BACH2: variants seen among roughly 807,000 people sequenced by gnomAD.
BACH2 encodes BACH transcriptional regulator 2, also known as transcription regulator protein BACH2.
A neutral mutation model predicts 61.8 loss-of-function variants in BACH2; 5 were observed. That is an observed-to-expected ratio of 0.08 (90% CI 0.04 to 0.17). The LOEUF (loss-of-function observed/expected upper bound fraction) is 0.17. Ranked by LOEUF, BACH2 falls within the 10% of genes least tolerant of loss-of-function variation. The pLI, the probability that BACH2 is intolerant of heterozygous loss-of-function variation, is 1.00. For missense variants in BACH2, 824 were observed against 1,091.1 expected (o/e 0.76, Z 3.45); for synonymous variants, 446 against 440.1 (o/e 1.01, Z -0.17).
intron 5 of BACH2, among the ~76,000 whole-genome samples, chr6:90,023,186 T>C (rs1278154697): frequency 6.6e-6 from 1 of 152,180 alleles, no homozygotes; most frequent in East Asian, 1.9e-4. Context: ...GGATATATAC[T>C]GTTATGGAGT....
intron 6 of BACH2, among the ~76,000 whole-genome samples, chr6:89,976,264 A>G (rs540751933): frequency 6.6e-6 from 1 of 152,326 alleles, no homozygotes; most frequent in South Asian, 2.1e-4. Flanking sequence ...GATGGGAGAG[A>G]AAGAAAGGAA....
chr6:90,029,846 T>G (rs1453274586), intron 5 of BACH2, among the ~76,000 whole-genome samples: 1 of 152,052 alleles, frequency 6.6e-6, no homozygotes, highest in Non-Finnish European at 1.5e-5. Context: ...CTTACTCCAT[T>G]CTAAGCAATG....
chr6:90,170,913 G>A (rs1767789602), intron 4 of BACH2, among the ~76,000 whole-genome samples: 1 of 152,102 alleles, frequency 6.6e-6, no homozygotes, highest in African/African-American at 2.4e-5. Flanking sequence ...AAGTAGGTAA[G>A]TCCTGCATAA....
intron 4 of BACH2, among the ~76,000 whole-genome samples, chr6:90,101,544 T>C (rs1782628249): frequency 6.6e-6 from 1 of 152,238 alleles, no homozygotes; most frequent in East Asian, 1.9e-4. Context: ...ACTTTGAGCA[T>C]ACGTGTACTG....
At chr6:90,054,952 C>A (rs1188717996) in intron 5 of BACH2, among the ~76,000 whole-genome samples, 2 of 152,108 alleles carry the variant, frequency 1.3e-5, no homozygotes, top group East Asian at 1.9e-4. Flanking sequence ...GAAAGGACAT[C>A]CACACCAAAA....
At chr6:90,097,271 AT>A (rs5878115) in intron 4 of BACH2, among the ~76,000 whole-genome samples, 120,995 of 152,102 alleles carry the variant, frequency 0.8, 48,988 homozygotes, top group East Asian at 0.98. Context: ...TGTTCTATAG[AT>A]TTTTTTTAAA....
intron 1 of BACH2, among the ~76,000 whole-genome samples, chr6:90,274,677 C>T (rs147402271): frequency 6.6e-5 from 10 of 152,220 alleles, no homozygotes; most frequent in African/African-American, 2.4e-4. Flanking sequence ...AATCAGCTAA[C>T]GTATAAAAGT....
rs187491646 is a variant in BACH2, at chr6:90,097,252, T to A, written c.-161-8143A>T. 2.7e-3 allele frequency among the ~76,000 whole-genome samples: 380 copies of A among 141,562 alleles called. 3 individuals carry two copies. Among genetic ancestry groups the A allele is most frequent in the African/African-American group, 9.8e-3 (360 of 36,694 alleles). 92.9% of individuals were successfully genotyped at this position (141,562 alleles called of 152,430 possible). ...CGTGGACTACATCTGTCCACGAGAA[T>A]TTTCATAGTGTTCTATAGATTTTTT... On this transcript the variant is annotated intron_variant, in intron 4 of 8. Coordinates refer to ENST00000257749, the MANE Select transcript of BACH2 (RefSeq NM_021813.4).
intron 3 of BACH2, among the ~76,000 whole-genome samples, chr6:90,245,990 G>A (rs1367609881): frequency 6.6e-6 from 1 of 152,182 alleles, no homozygotes; most frequent in Non-Finnish European, 1.5e-5. Flanking sequence ...GTCAGCAAGA[G>A]AAGCTATCAA....
intron 5 of BACH2, among the ~76,000 whole-genome samples, chr6:90,043,275 G>C (rs1157419843): frequency 6.6e-6 from 1 of 152,150 alleles, no homozygotes; most frequent in Non-Finnish European, 1.5e-5. Context: ...TGAGAGGTGG[G>C]ACCTTTAGGA....
intron 5 of BACH2, among the ~76,000 whole-genome samples, chr6:90,009,809 C>T (rs1373437136): frequency 6.6e-6 from 1 of 152,200 alleles, no homozygotes; most frequent in Non-Finnish European, 1.5e-5. Context: ...GGATTACAGG[C>T]ATGTGCCACC....
chr6:90,093,591 T>C (rs769543320), intron 4 of BACH2, among the ~76,000 whole-genome samples: 3 of 152,204 alleles, frequency 2.0e-5, no homozygotes, highest in Admixed American at 1.3e-4. Flanking sequence ...CCACATATTG[T>C]TAGTGGTTAG....
At chr6:90,152,516 G>A (rs1784861294) in intron 4 of BACH2, among the ~76,000 whole-genome samples, 1 of 152,104 alleles carries the variant, frequency 6.6e-6, no homozygotes, top group African/African-American at 2.4e-5. Flanking sequence ...ATTAGATAAG[G>A]CACAGGGTTA....
chr6:90,059,616 C>A (rs531928431), intron 5 of BACH2, among the ~76,000 whole-genome samples: 1 of 152,132 alleles, frequency 6.6e-6, no homozygotes, highest in African/African-American at 2.4e-5. Flanking sequence ...CCAGCCATCC[C>A]ATTACTGGGT....
intron 1 of BACH2, among the ~76,000 whole-genome samples, chr6:90,272,781 G>A (rs1045596983): frequency 6.6e-6 from 1 of 152,118 alleles, no homozygotes; most frequent in Non-Finnish European, 1.5e-5. Context: ...CTGCTTAGCT[G>A]AGAAAAACTC....
In BACH2 at chr6:90,158,233, G is replaced by T. The variant is rs537320830; in HGVS notation, c.-162+48336C>A. Among the ~76,000 whole-genome samples the T allele has an allele frequency of 7.8e-4, 119 of 152,270 alleles. 1 individual carries two copies. The Middle Eastern group carries it at 0.024, about 30-fold the overall frequency. On this transcript the variant is annotated intron_variant, in intron 4 of 8. Transcript: ENST00000257749. Reference sequence around the variant, plus strand: ...TCCATATGAGTTGTATACAACAGAAGATAAGATTAACAAACATCTTTTTAA... The same window carrying T: ...TCCATATGAGTTGTATACAACAGAATATAAGATTAACAAACATCTTTTTAA...
intron 6 of BACH2, among the ~76,000 whole-genome samples, chr6:89,996,050 G>T (rs1346049564): frequency 6.6e-6 from 1 of 152,144 alleles, no homozygotes; most frequent in Non-Finnish European, 1.5e-5. Flanking sequence ...TCTCAAAGGG[G>T]TCAGCGATTT....
intron 6 of BACH2, among the ~76,000 whole-genome samples, chr6:89,989,873 G>T (rs1776448115): frequency 6.6e-6 from 1 of 152,212 alleles, no homozygotes; most frequent in Non-Finnish European, 1.5e-5. Context: ...AAAGCTGCCA[G>T]AGCCTGCTCT....
At chr6:90,198,588 A>G (rs1193281181) in intron 4 of BACH2, among the ~76,000 whole-genome samples, 1 of 152,158 alleles carries the variant, frequency 6.6e-6, no homozygotes, top group African/African-American at 2.4e-5. Flanking sequence ...CTTTTCTGAC[A>G]TTATCAGATG....
Sources: gnomAD v4.1 joint callset for allele counts (sites outside exome capture counted in the v4.1 genomes callset) on GRCh38, gnomAD v4.1.1 for gene constraint, MANE v1.5 for transcripts, NCBI Gene and HGNC (gene_info 2026-07-23, HGNC 2026-07-21) for gene names.